The following ERC1 variants were observed in gnomAD, a reference collection of about 807,000 sequenced individuals.
The protein encoded by ERC1 is ELKS/RAB6-interacting/CAST family member 1.
Under a neutral mutation model 132.0 loss-of-function variants are expected in ERC1, and 56 were observed. The observed-to-expected ratio is 0.42, with a 90% confidence interval of 0.34 to 0.53. ERC1 has a LOEUF of 0.53. ERC1 is among the 20% of genes least tolerant of loss of function. The probability of loss-of-function intolerance (pLI) is 0.03; values close to 1 mark genes in which losing one functional copy is unlikely to be tolerated. For synonymous variants in ERC1, 478 were observed against 476.1 expected, an observed-to-expected ratio of 1.00 and a Z score of -0.05; for missense variants, 1,202 against 1,349.9, an observed-to-expected ratio of 0.89 and a Z score of 1.72.
intron 12 of ERC1, among the ~76,000 whole-genome samples, chr12:1,190,703 G>A (rs1955632598): frequency 6.6e-6 from 1 of 152,026 alleles, no homozygotes. Context: ...TATGCTAAAG[G>A]TCAAGCATGT....
At chr12:1,181,752 G>A (rs1025897088) in intron 9 of ERC1, among the ~76,000 whole-genome samples, 173 bp from the exon 10 acceptor site, 1 of 149,808 alleles carries the variant, frequency 6.7e-6, no homozygotes, top group African/African-American at 2.5e-5. Context: ...CATTACACTC[G>A]AGCCTAGGCA....
At chr12:1,157,566 T>A (rs561908585) in intron 8 of ERC1, among the ~76,000 whole-genome samples, 3 of 152,178 alleles carry the variant, frequency 2.0e-5, no homozygotes, top group Non-Finnish European at 4.4e-5. Flanking sequence ...ATTATCAGAT[T>A]AGTAGATTGT....
chr12:1,132,741 A>ATT (rs1948884636), intron 7 of ERC1, among the ~76,000 whole-genome samples: 1 of 152,110 alleles, frequency 6.6e-6, no homozygotes, highest in Non-Finnish European at 1.5e-5. Flanking sequence ...AATGCTTAGA[A>ATT]GAACTGAGAG....
At chr12:1,070,415 G>A (rs759331262) in intron 2 of ERC1, among the ~76,000 whole-genome samples, 1 of 151,750 alleles carries the variant, frequency 6.6e-6, no homozygotes, top group African/African-American at 2.4e-5. Context: ...AACCTCCTGA[G>A]TATCTGGGAC....
At chr12:1,134,207 GATTAT>G (rs1012892400) in intron 7 of ERC1, among the ~76,000 whole-genome samples, 5 of 151,894 alleles carry the variant, frequency 3.3e-5, no homozygotes, top group African/African-American at 1.2e-4. Flanking sequence ...CCTCCCCCTT[GATTAT>G]ATTAAAGAGA....
chr12:1,185,357 G>C (rs1954957812), intron 11 of ERC1, among the ~76,000 whole-genome samples: 1 of 151,810 alleles, frequency 6.6e-6, no homozygotes, highest in Admixed American at 6.6e-5. Flanking sequence ...TTTTAAAAAT[G>C]CTTAATGCTT....
chr12:1,228,234 T>C (rs1036306726), intron 12 of ERC1, among the ~76,000 whole-genome samples: 7 of 152,224 alleles, frequency 4.6e-5, no homozygotes, highest in Non-Finnish European at 1.0e-4. Context: ...TTGAGTAGTA[T>C]GGACATTTTA....
At chr12:1,355,839 C>T (rs919906378) in intron 15 of ERC1, among the ~76,000 whole-genome samples, 1 of 151,998 alleles carries the variant, frequency 6.6e-6, no homozygotes, top group African/African-American at 2.4e-5. Context: ...AAGTTAATTC[C>T]GTCAACCAGC....
At chr12:1,169,241 A>G (rs1952788765) in intron 8 of ERC1, among the ~76,000 whole-genome samples, 1 of 152,124 alleles carries the variant, frequency 6.6e-6, no homozygotes, top group African/African-American at 2.4e-5. Flanking sequence ...TTGTTGAAGG[A>G]CTTATTTCCC....
At chr12:1,090,768 A>G (rs7307482) in intron 3 of ERC1, among the ~76,000 whole-genome samples, 5 of 3,702 alleles carry the variant, frequency 1.4e-3, no homozygotes, top group African/African-American at 1.8e-3. Flanking sequence ...TGCCTGGCCC[A>G]TTATTATTAT....
intron 15 of ERC1, among the ~76,000 whole-genome samples, chr12:1,342,998 CT>C (rs1566634981): frequency 6.6e-6 from 1 of 152,106 alleles, no homozygotes; most frequent in African/African-American, 2.4e-5. Flanking sequence ...TGTTATCTGC[CT>C]TTTTTGCCTG....
intron 13 of ERC1, among the ~76,000 whole-genome samples, chr12:1,252,486 A>G (rs1042515343): frequency 3.3e-5 from 5 of 152,108 alleles, no homozygotes; most frequent in Non-Finnish European, 5.9e-5. Flanking sequence ...AGCTACCATG[A>G]TTTTCAAGAT....
intron 1 of ERC1, among the ~76,000 whole-genome samples, chr12:1,018,729 A>C (rs567020523): frequency 1.1e-3 from 174 of 152,332 alleles, no homozygotes; most frequent in Admixed American, 1.5e-3. Flanking sequence ...GCAAACACTT[A>C]CTGCCTGCTT....
intron 16 of ERC1, among the ~76,000 whole-genome samples, chr12:1,402,735 G>A (rs1253694567): frequency 6.6e-6 from 1 of 152,000 alleles, no homozygotes; most frequent in African/African-American, 2.4e-5. Flanking sequence ...CTCTTAGAGA[G>A]GATTTAATGA....
At chr12:1,136,543 C>T (rs2090133098) in intron 7 of ERC1, among the ~76,000 whole-genome samples, 1 of 152,184 alleles carries the variant, frequency 6.6e-6, no homozygotes, top group South Asian at 2.1e-4. Flanking sequence ...CTTTGTGTCT[C>T]CAGTAACCAG....
chr12:1,171,110 G>T (rs1163705731), intron 8 of ERC1, among the ~76,000 whole-genome samples: 1 of 152,136 alleles, frequency 6.6e-6, no homozygotes, highest in Non-Finnish European at 1.5e-5. Flanking sequence ...TACTATGAGA[G>T]AACAACACAA....
chr12:1,079,807 G>A (rs867542887), intron 2 of ERC1, among the ~76,000 whole-genome samples: 20 of 145,896 alleles, frequency 1.4e-4, no homozygotes, highest in South Asian at 8.8e-4. Flanking sequence ...GACAAAAGTC[G>A]ATATACAGAG....
chr12:1,299,147 A>G (rs749804129), intron 15 of ERC1, among the ~76,000 whole-genome samples: 1 of 152,204 alleles, frequency 6.6e-6, no homozygotes, highest in Non-Finnish European at 1.5e-5. Context: ...AATCAGAAAT[A>G]TAGAAGATCT....
chr12:1,313,993 T>A (rs779478694), intron 15 of ERC1, among the ~76,000 whole-genome samples: 1 of 151,592 alleles, frequency 6.6e-6, no homozygotes, highest in Non-Finnish European at 1.5e-5. Flanking sequence ...AAAAACATAA[T>A]AATAATAAAT....
Sources: allele counts gnomAD v4.1 joint callset (sites outside exome capture counted in the v4.1 genomes callset), GRCh38; gene constraint gnomAD v4.1.1; transcripts MANE v1.5; gene names NCBI Gene and HGNC (gene_info 2026-07-23, HGNC 2026-07-21).